Variants in HNRNPL observed in about 807,000 individuals in gnomAD.
HNRNPL encodes the protein heterogeneous nuclear ribonucleoprotein L, also known as epididymis secretory sperm binding protein.
Under a neutral mutation model 64.0 loss-of-function variants are expected in HNRNPL, and 12 were observed. That is an observed-to-expected ratio of 0.19 (90% CI 0.12 to 0.30). The LOEUF (loss-of-function observed/expected upper bound fraction) is 0.30, where lower values mean the gene tolerates loss of function less well. Among genes scored for constraint, HNRNPL ranks in the 10% least tolerant of loss-of-function variants. The pLI, the probability that HNRNPL is intolerant of heterozygous loss-of-function variation, is 1.00. For missense variants in HNRNPL, 484 were observed against 797.4 expected (o/e 0.61, Z 4.73); for synonymous variants, 385 against 313.0 (o/e 1.23, Z -2.43).
Position 38,838,964 on chromosome 19 carries a change from C to A in HNRNPL, c.1285G>T (p.Gly429Cys). The change falls in exon 9 of 13, where the codon GGC becomes TGC. Residue 429 changes from glycine (G) to cysteine (C), a missense_variant. Transcript: ENST00000221419. ...GTAATGGCCCGGTCTACAGCGTAGC[C>A]ATCAGCCATCTCCACCATGGCGGCC... ...PGAAMVEMAD[G>C]YAVDRAITHL... 6.2e-7 allele frequency: 1 copy of A among 1,614,152 alleles called. No individual in the cohort carries two copies. Among genetic ancestry groups the A allele is most frequent in the Non-Finnish European group, 8.5e-7 (1 of 1,180,030 alleles).
At chr19:38,852,186 GCCACCGCCCCGCCC>G (rs1467824626), upstream of HNRNPL, 1 of 147,144 alleles carries the variant, frequency 6.8e-6, no homozygotes, top group Non-Finnish European at 1.5e-5. Context: ...CGCGCTCCCG[GCCACCGCCCCGCCC>G]CCACCCCGCT....
At chr19:38,846,216 C>G in intron 2 of HNRNPL, 126 bp from the exon 3 acceptor site, 4 of 761,740 alleles carry the variant, frequency 5.3e-6, no homozygotes, top group Non-Finnish European at 9.1e-6. Flanking sequence ...ATCATGGTTC[C>G]CCGACCTGAA....
intron 4 of HNRNPL, 77 bp downstream of exon 4, chr19:38,845,573 T>C: frequency 1.7e-6 from 2 of 1,189,380 alleles, no homozygotes; most frequent in Admixed American, 3.4e-5. Context: ...AGACACATGC[T>C]GGCTCAAAGA....
At chr19:38,837,516 A>G (rs1971968623) in intron 11 of HNRNPL, 37 bp from the exon 12 acceptor site, 2 of 1,612,430 alleles carry the variant, frequency 1.2e-6, no homozygotes, top group African/African-American at 2.7e-5. Flanking sequence ...AAGGTTTTAG[A>G]CTCACCCAAT....
Position 38,849,648 on chromosome 19 carries a change from G to C in HNRNPL, c.267+52C>G, listed in dbSNP as rs552638960. On this transcript the variant is annotated intron_variant, in intron 1 of 12. Transcript: ENST00000221419. ...AAAAAATAAAATGCCCTCAAGCTGG[G>C]AAATTGTCCCCCAGTTCCCGGCCTT... is the stretch of plus-strand genomic sequence containing the variant. 1.6e-4 allele frequency: 207 copies of C among 1,305,746 alleles called. 1 individual carries two copies. In the South Asian group the frequency reaches 3.3e-3, roughly 21 times the overall value. 80.9% of individuals were successfully genotyped at this position (1,305,746 alleles called of 1,614,324 possible).
chr19:38,847,505 G>T, intron 1 of HNRNPL, 71 bp from the exon 2 acceptor site: 2 of 797,896 alleles, frequency 2.5e-6, no homozygotes, highest in Non-Finnish European at 1.9e-6. Context: ...CCTCTGTACT[G>T]TTGTAGACCC....
At position 38,846,144 on chromosome 19, in the gene HNRNPL, G is replaced by A. The variant is rs550231518; in HGVS notation, c.387-54C>T. 12 of 1,340,994 alleles carry A rather than the reference G, an allele frequency of 8.9e-6. No homozygotes were observed. In the East Asian group the frequency reaches 9.2e-5, roughly 10 times the overall value. 83.1% of individuals were successfully genotyped at this position (1,340,994 alleles called of 1,614,324 possible). On this transcript the variant is annotated intron_variant, in intron 2 of 12. Coordinates refer to ENST00000221419, the MANE Select transcript of HNRNPL (RefSeq NM_001533.3). ...TCTCAGGAAAATGTAGACAGGAGGAGGGTATCATTTGATTTTTTGAGAACT... is the reference window on the plus strand; with the variant it reads ...TCTCAGGAAAATGTAGACAGGAGGAAGGTATCATTTGATTTTTTGAGAACT...
chr19:38,839,834 A>C (rs1219307876), intron 8 of HNRNPL, among the ~76,000 whole-genome samples: 2 of 152,190 alleles, frequency 1.3e-5, no homozygotes, highest in African/African-American at 4.8e-5. Flanking sequence ...ATGTTTTATA[A>C]ATCTCTATGT....
At chr19:38,837,165 C>A in intron 12 of HNRNPL, 1 of 589,068 alleles carries the variant, frequency 1.7e-6, no homozygotes, top group Non-Finnish European at 3.0e-6. Flanking sequence ...GCCTGAGCAA[C>A]TCCCAAGCTG....
chr19:38,839,635 C>A (rs1437110111), intron 8 of HNRNPL: 1 of 182,776 alleles, frequency 5.5e-6, no homozygotes, highest in Non-Finnish European at 1.2e-5. Flanking sequence ...ATGAGCTGCA[C>A]AAAGGCCCCC....
intron 6 of HNRNPL, chr19:38,843,551 A>G (rs1030130179): frequency 1.2e-5 from 5 of 424,304 alleles, no homozygotes; most frequent in Non-Finnish European, 2.1e-5. Context: ...GCTGGTTTCT[A>G]AGGCCGCCCC....
chr19:38,850,060 C>T, upstream of HNRNPL: 1 of 1,078,040 alleles, frequency 9.3e-7, no homozygotes, highest in Non-Finnish European at 1.2e-6. Context: ...CCACTGGTCC[C>T]GCCGCGGGGG....
Position 38,836,451 on chromosome 19 carries a change from G to GT in HNRNPL, c.*270dup. 3 of 338,942 alleles carry GT rather than the reference G, an allele frequency of 8.9e-6. No individual in the cohort carries two copies. The South Asian group carries it at 1.3e-4, about 15-fold the overall frequency. The allele number at this position is 338,942 out of a possible 1,614,324, so 21.0% of individuals were successfully genotyped here. ...CCAAGAGTACATGGGCAGCACAAAT[G>GT]TATGAACAGGAAAAAAAAAAATCAC... On this transcript the variant is annotated 3_prime_UTR_variant, in exon 13 of 13. Coordinates refer to ENST00000221419, the MANE Select transcript of HNRNPL (RefSeq NM_001533.3).
At chr19:38,838,697 G>A in intron 9 of HNRNPL, 99 bp from the exon 10 acceptor site, 1 of 1,358,156 alleles carries the variant, frequency 7.4e-7, no homozygotes, top group South Asian at 1.2e-5. Context: ...TGTGTGCCTT[G>A]GGGCATTGCT....
chr19:38,842,105 AT>A (rs10624642), intron 6 of HNRNPL: 206 of 132,858 alleles, frequency 1.6e-3, no homozygotes, highest in South Asian at 3.9e-3. Flanking sequence ...TGTGGTTAAA[AT>A]TTTTTTTTTT....
Position 38,838,935 on chromosome 19 carries a change from G to A in HNRNPL, c.1314C>T (p.His438=). Residue 438 remains histidine (H), a synonymous_variant, in exon 9 of 13, where the codon CAC becomes CAT. Coordinates refer to ENST00000221419, the MANE Select transcript of HNRNPL (RefSeq NM_001533.3). ...GCCCAAACATGAAGTTGTTGTTGAG[G>A]TGGGTAATGGCCCGGTCTACAGCGT... is the stretch of plus-strand genomic sequence containing the variant. ...DGYAVDRAIT[H]LNNNFMFGQK... The A allele has an allele frequency of 6.2e-7, 1 of 1,614,156 alleles. No individual in the cohort carries two copies. The highest frequency in any genetic ancestry group is 8.5e-7 in the Non-Finnish European group (1 of 1,180,042).
intron 4 of HNRNPL, chr19:38,844,740 C>G (rs974534288): frequency 2.1e-5 from 3 of 144,912 alleles, no homozygotes; most frequent in African/African-American, 7.7e-5. Context: ...GATATGGAGT[C>G]TCGCTGTGTT....
At chr19:38,849,177 A>T (rs1301770160) in intron 1 of HNRNPL, 1 of 154,986 alleles carries the variant, frequency 6.5e-6, no homozygotes, top group East Asian at 1.9e-4. Context: ...TGCCTACAAA[A>T]ATGAGAGCAT....
At position 38,844,013 on chromosome 19, in the gene HNRNPL, C is replaced by T. The variant is rs1972201691; in HGVS notation, c.802G>A (p.Ala268Thr). Residue 268 changes from alanine to threonine, a missense_variant, in exon 5 of 13, where the codon GCA becomes ACA. By Grantham distance (58) the Ala-to-Thr change is moderately conservative (BLOSUM62 0). Around this residue, in one of 9 missense-constraint regions of HNRNPL, gnomAD observed 60 missense variants for 192.2 expected, o/e 0.31. Transcript: ENST00000221419. ...SGCCTLKIEY[A>T]KPTRLNVFKN... ...CAGTCACCTCCCAGATGTACCTTTG[C>T]GTATTCGATCTTCAGAGTGCAACAG... 6.2e-7 allele frequency: 1 copy of T among 1,612,848 alleles called. No individual in the cohort carries two copies. The highest frequency in any genetic ancestry group is 8.5e-7 in the Non-Finnish European group (1 of 1,178,820).
Sources: gnomAD v4.1 joint callset for allele counts (sites outside exome capture counted in the v4.1 genomes callset) on GRCh38, gnomAD v4.1.1 for gene constraint, gnomAD v4.1.1 regional missense constraint, MANE v1.5 for transcripts, NCBI Gene and HGNC (gene_info 2026-07-23, HGNC 2026-07-21) for gene names.